Variants in NFAT5 observed in about 807,000 individuals in gnomAD.
NFAT5 encodes nuclear factor of activated T-cells 5.
Under a neutral mutation model 166.5 loss-of-function variants are expected in NFAT5, and 31 were observed. The ratio of observed to expected loss-of-function variants is 0.19; its 90% confidence interval spans 0.14 to 0.25. The LOEUF (loss-of-function observed/expected upper bound fraction) is 0.25. Among genes scored for constraint, NFAT5 ranks in the 10% least tolerant of loss-of-function variants. NFAT5 has a pLI of 1.00. For synonymous variants in NFAT5, 612 were observed against 639.7 expected, an observed-to-expected ratio of 0.96 and a Z score of 0.65; for missense variants, 1,449 against 1,821.8, an observed-to-expected ratio of 0.80 and a Z score of 3.72.
chr16:69,577,694 C>G (rs1158293936), intron 2 of NFAT5, among the ~76,000 whole-genome samples: 2 of 152,090 alleles, frequency 1.3e-5, no homozygotes, highest in Non-Finnish European at 2.9e-5. Flanking sequence ...TTGAAATGTT[C>G]TCTGTCTTGA....
At chr16:69,624,292 G>A (rs927784930) in intron 2 of NFAT5, among the ~76,000 whole-genome samples, 14 of 151,478 alleles carry the variant, frequency 9.2e-5, no homozygotes, top group African/African-American at 2.4e-4. Context: ...TGCAACCTCC[G>A]CCTCCTAGGC....
At chr16:69,620,648 C>G (rs1459851617) in intron 2 of NFAT5, among the ~76,000 whole-genome samples, 1 of 152,076 alleles carries the variant, frequency 6.6e-6, no homozygotes, top group Non-Finnish European at 1.5e-5. Flanking sequence ...TCTTGGCCGA[C>G]TGAAGAAAGA....
intron 4 of NFAT5, chr16:69,649,023 A>G: frequency 1.1e-6 from 1 of 925,964 alleles, no homozygotes; most frequent in Non-Finnish European, 1.3e-6. Flanking sequence ...AGTTTTAGAA[A>G]GTCCAGTTTA....
chr16:69,636,748 C>G (rs1396917845), intron 3 of NFAT5, among the ~76,000 whole-genome samples: 2 of 152,132 alleles, frequency 1.3e-5, no homozygotes, highest in African/African-American at 4.8e-5. Context: ...CATGGGGACC[C>G]TGGGCCCAGC....
chr16:69,646,358 C>G (rs1236195878), intron 3 of NFAT5, among the ~76,000 whole-genome samples: 1 of 152,172 alleles, frequency 6.6e-6, no homozygotes, highest in Admixed American at 6.5e-5. Context: ...CATCTTGATT[C>G]TCCTAGATTT....
In NFAT5 at chr16:69,698,281, T is replaced by C. The variant is rs1452724940; in HGVS notation, c.*1930T>C. 1 of 152,518 alleles carries C rather than the reference T, an allele frequency of 6.6e-6. No individual in the cohort carries two copies. Among genetic ancestry groups the C allele is most frequent in the Non-Finnish European group, 1.5e-5 (1 of 68,026 alleles). The allele number at this position is 152,518 out of a possible 1,614,324, so 9.4% of individuals were successfully genotyped here. A position where few individuals can be genotyped will look rare whatever the true frequency, so the allele number is the denominator to read the frequency against. ...TCGTTCAAGTTTTGGATGGTTTATA[T>C]CTAATGTGTGTTTCATTTTTTTGGA... On this transcript the variant is annotated 3_prime_UTR_variant, in exon 15 of 15. Coordinates refer to ENST00000349945, the MANE Select transcript of NFAT5 (RefSeq NM_138713.4).
In NFAT5 at chr16:69,626,516, G is replaced by C; in HGVS notation, c.241G>C (p.Val81Leu). ...GGEAGSPPPA[V>L]VAADASSAPS... is the part of the protein sequence containing the mutation. ...TGAGGCAGGCTCGCCTCCTCCAGCT[G>C]TTGTTGCTGCTGGTATGCATTTCAT... The change falls in exon 3 of 15, where the codon GTT (valine) becomes CTT (leucine). Residue 81 changes from valine (V) to leucine (L), a missense_variant. Around this residue, in one of 7 missense-constraint regions of NFAT5, gnomAD observed 172 missense variants for 194.5 expected, o/e 0.88. Coordinates refer to ENST00000349945, the MANE Select transcript of NFAT5 (RefSeq NM_138713.4). 6.4e-7 allele frequency: 1 copy of C among 1,560,486 alleles called. No individual in the cohort carries two copies. The highest frequency in any genetic ancestry group is 8.6e-7 in the Non-Finnish European group (1 of 1,157,596).
At chr16:69,598,507 A>G (rs1187432270) in intron 2 of NFAT5, among the ~76,000 whole-genome samples, 9 of 152,186 alleles carry the variant, frequency 5.9e-5, no homozygotes, top group African/African-American at 1.9e-4. Flanking sequence ...ACACAATATC[A>G]ACATAGTAAA....
chr16:69,566,240 T>TGCC lies in NFAT5; in HGVS notation c.-55_-53dup. ...GGTGCCCGCGGTCCCGGAGAGGAGGTGCCGCCGCCACCGCCGCTCCCCCCC... is the reference window on the plus strand; with the variant it reads ...GGTGCCCGCGGTCCCGGAGAGGAGGTGCCGCCGCCGCCACCGCCGCTCCCCCCC... On this transcript the variant is annotated 5_prime_UTR_variant, in exon 1 of 15. Coordinates refer to ENST00000349945, the MANE Select transcript of NFAT5 (RefSeq NM_138713.4). This position sits in a 1 kb window ranked among gnomAD's most constrained non-coding sequence, Gnocchi z 5.7. 6.7e-7 allele frequency: 1 copy of TGCC among 1,494,844 alleles called. No homozygotes were observed. The highest frequency in any genetic ancestry group is 9.1e-7 in the Non-Finnish European group (1 of 1,098,288). 92.6% of individuals were successfully genotyped at this position (1,494,844 alleles called of 1,614,324 possible).
In NFAT5 at chr16:69,679,441, C is replaced by A. The variant is rs925726669; in HGVS notation, c.1690+2106C>A. On this transcript the variant is annotated intron_variant, in intron 10 of 14. Transcript: ENST00000349945. Reference sequence around the variant, plus strand: ...AACCAGCCTGGCCAACATGGTGAAACCCCTCTCTACTAAAAATACAAAAAT... The same window carrying A: ...AACCAGCCTGGCCAACATGGTGAAAACCCTCTCTACTAAAAATACAAAAAT... 5.9e-5 allele frequency among the ~76,000 whole-genome samples: 9 copies of A among 151,784 alleles called. No homozygotes were observed. The East Asian group carries it at 1.8e-3, about 30-fold the overall frequency.
At chr16:69,582,876 G>A (rs979648067) in intron 2 of NFAT5, among the ~76,000 whole-genome samples, 17 of 151,416 alleles carry the variant, frequency 1.1e-4, no homozygotes, top group Non-Finnish European at 2.2e-4. Context: ...ATAAATTTTA[G>A]GAACAGCTTC....
chr16:69,676,588 G>C (rs1335801594), intron 9 of NFAT5, among the ~76,000 whole-genome samples: 1 of 152,114 alleles, frequency 6.6e-6, no homozygotes, highest in Non-Finnish European at 1.5e-5. Flanking sequence ...AAGTGAGACA[G>C]AGTGAAGAAC....
rs1319446757 is a variant in NFAT5, at chr16:69,566,090, A to C, written c.-212A>C. ...TCCTGAACCCCTCTCCTGGTCACCG[A>C]GAATCAGTCCCCGTGGAGTTCCCCC... On this transcript the variant is annotated 5_prime_UTR_variant, in exon 1 of 15. Coordinates refer to ENST00000349945, the MANE Select transcript of NFAT5 (RefSeq NM_138713.4). The surrounding 1 kb of genome is among the most constrained non-coding windows in gnomAD (Gnocchi z 5.7). 1 of 531,678 alleles carries C rather than the reference A, an allele frequency of 1.9e-6. No individual in the cohort carries two copies. Among genetic ancestry groups the C allele is most frequent in the Non-Finnish European group, 3.3e-6 (1 of 304,114 alleles). The allele number at this position is 531,678 out of a possible 1,614,324, so 32.9% of individuals were successfully genotyped here.
At chr16:69,587,233 ATTTTTTGTATTTTTTTTT>A (rs897381675) in intron 2 of NFAT5, among the ~76,000 whole-genome samples, 5 of 107,744 alleles carry the variant, frequency 4.6e-5, no homozygotes, top group African/African-American at 2.4e-4. Flanking sequence ...CGCCTGGCTA[ATTTTTTGTATTTTTTTTT>A]TTTAGTAGAG....
intron 2 of NFAT5, among the ~76,000 whole-genome samples, chr16:69,599,532 C>T (rs759543178): frequency 4.6e-5 from 7 of 152,178 alleles, no homozygotes; most frequent in Admixed American, 2.0e-4. Flanking sequence ...GATTGTGCCA[C>T]TGCACTCCAG....
intron 11 of NFAT5, among the ~76,000 whole-genome samples, chr16:69,687,374 A>G (rs1165816989): frequency 1.3e-5 from 2 of 151,158 alleles, no homozygotes; most frequent in Non-Finnish European, 1.5e-5. Context: ...CCAGGAGGCG[A>G]AGGTTGTAGT....
intron 2 of NFAT5, among the ~76,000 whole-genome samples, chr16:69,625,960 A>AT (rs1567551468): frequency 9.3e-5 from 14 of 150,284 alleles, no homozygotes; most frequent in East Asian, 3.9e-4. Flanking sequence ...AAAATAAAAA[A>AT]ATTTTTTTTT....
rs192463769 is a variant in NFAT5, at chr16:69,668,935, C to T, written c.1370-1042C>T. On this transcript the variant is annotated intron_variant, in intron 7 of 14. Coordinates refer to ENST00000349945, the MANE Select transcript of NFAT5 (RefSeq NM_138713.4). ...AATCCTTTTCTTATATTTCTTCACA[C>T]GTAAGTACTTAACACCGGTGCAGTC... 2.2e-3 allele frequency among the ~76,000 whole-genome samples: 340 copies of T among 152,252 alleles called. 2 individuals carry two copies. The highest frequency in any genetic ancestry group is 5.6e-3 in the African/African-American group (232 of 41,550).
chr16:69,615,647 T>C (rs2033908851), intron 2 of NFAT5, among the ~76,000 whole-genome samples: 2 of 152,212 alleles, frequency 1.3e-5, no homozygotes, highest in Admixed American at 6.5e-5. Flanking sequence ...TACCTCCCGT[T>C]GCAATGCAAT....
Sources: allele counts gnomAD v4.1 joint callset (sites outside exome capture counted in the v4.1 genomes callset), GRCh38; gene constraint gnomAD v4.1.1; regional missense constraint gnomAD v4.1.1; non-coding constraint Gnocchi (gnomAD v3.1); transcripts MANE v1.5; gene names NCBI Gene and HGNC (gene_info 2026-07-23, HGNC 2026-07-21).